Variants in UNC13A observed in about 807,000 individuals in gnomAD.
UNC13A encodes the protein unc-13 homolog A, also known as protein unc-13 homolog A.
A neutral mutation model predicts 219.7 loss-of-function variants in UNC13A; 61 were observed. The ratio of observed to expected loss-of-function variants is 0.28; its 90% confidence interval spans 0.23 to 0.34. UNC13A has a LOEUF of 0.34. UNC13A is among the 10% of genes least tolerant of loss of function. The pLI, the probability that UNC13A is intolerant of heterozygous loss-of-function variation, is 1.00. For missense variants in UNC13A, 1,476 were observed against 2,270.3 expected, an observed-to-expected ratio of 0.65 and a Z score of 7.11; for synonymous variants, 920 against 884.6, an observed-to-expected ratio of 1.04 and a Z score of -0.71.
chr19:17,635,925 T>G (rs2076908730), intron 26 of UNC13A, 99 bp downstream of exon 26: 1 of 1,425,916 alleles, frequency 7.0e-7, no homozygotes, highest in East Asian at 2.4e-5. Flanking sequence ...GGTGCACATT[T>G]GTGTAATTAG....
At chr19:17,623,299 G>C (rs992134771) in intron 36 of UNC13A, 41 of 477,076 alleles carry the variant, frequency 8.6e-5, no homozygotes, top group African/African-American at 8.1e-4. Flanking sequence ...GTTTGGGAGT[G>C]GGTAGTGGGG....
chr19:17,648,394 G>A, intron 16 of UNC13A, 37 bp downstream of exon 16: 1 of 1,193,612 alleles, frequency 8.4e-7, no homozygotes, highest in Admixed American at 3.0e-5. Flanking sequence ...GGCTCCCCAC[G>A]CCAACCCGTG....
At chr19:17,672,992 G>A (rs1390819292) in intron 3 of UNC13A, among the ~76,000 whole-genome samples, 1 of 152,166 alleles carries the variant, frequency 6.6e-6, no homozygotes, top group Non-Finnish European at 1.5e-5. Flanking sequence ...GAATTCGGGG[G>A]AGCAGGAAAC....
chr19:17,619,235 A>T (rs1201579183), intron 38 of UNC13A, among the ~76,000 whole-genome samples: 3 of 152,028 alleles, frequency 2.0e-5, no homozygotes, highest in Non-Finnish European at 4.4e-5. Flanking sequence ...TGTGAGGGGC[A>T]GTGGGTTGGG....
intron 1 of UNC13A, among the ~76,000 whole-genome samples, chr19:17,680,741 T>C (rs2079991528): frequency 6.6e-6 from 1 of 151,850 alleles, no homozygotes; most frequent in Non-Finnish European, 1.5e-5. Flanking sequence ...TTTATACTAT[T>C]ATTATTATTA....
intron 39 of UNC13A, 89 bp downstream of exon 39, chr19:17,618,817 G>A: frequency 3.9e-6 from 5 of 1,288,636 alleles, no homozygotes; most frequent in Non-Finnish European, 5.6e-6. Flanking sequence ...TCATCATCCT[G>A]GGACCCCTCC....
intron 1 of UNC13A, among the ~76,000 whole-genome samples, chr19:17,679,807 T>C (rs1014234184): frequency 1.3e-4 from 20 of 152,110 alleles, no homozygotes. Flanking sequence ...TCTGCCCTTC[T>C]TGTGCCCCTC....
chr19:17,630,256 G>T lies in UNC13A; in HGVS notation c.3558C>A (p.Ser1186=). 1 of 1,561,282 alleles carries T rather than the reference G, an allele frequency of 6.4e-7. No individual in the cohort carries two copies. The highest frequency in any genetic ancestry group is 1.4e-5 in the African/African-American group (1 of 73,566). Reference sequence around the variant, plus strand: ...GGGAGAAAACATCCACCACGGAGCAGGAGAATAGGGCATGCTCTGAGGTCT... The same window carrying T: ...GGGAGAAAACATCCACCACGGAGCATGAGAATAGGGCATGCTCTGAGGTCT... The part of the protein sequence containing the change: ...FQQTSEHALF[S]CSVVDVFSQL... The change falls in exon 30 of 44, where the codon TCC becomes TCA. Residue 1186 remains serine, a synonymous_variant. Transcript: ENST00000519716.
intron 25 of UNC13A, among the ~76,000 whole-genome samples, chr19:17,638,638 G>A (rs2076935631): frequency 6.6e-6 from 1 of 151,974 alleles, no homozygotes; most frequent in African/African-American, 2.4e-5. Flanking sequence ...GACCAGCCTG[G>A]CCAACATGGT....
intron 35 of UNC13A, 34 bp from the exon 36 acceptor site, chr19:17,623,581 A>C: frequency 2.6e-6 from 1 of 379,496 alleles, no homozygotes; most frequent in Non-Finnish European, 4.5e-6. Flanking sequence ...GCGGTGGGGG[A>C]GGGGGGAATA....
Position 17,658,101 on chromosome 19 carries a change from A to G in UNC13A, c.728T>C (p.Met243Thr), listed in dbSNP as rs2079491106. 6 of 1,613,690 alleles carry G rather than the reference A, an allele frequency of 3.7e-6. No individual in the cohort carries two copies. The African/African-American group carries it at 4.0e-5, about 11-fold the overall frequency. ...CTCAGAGAACTCCTCGTAACTGTGC[A>G]TGGAGTCACTGTAGGACTCCCGGGA... is the stretch of plus-strand genomic sequence containing the variant. ...LGSRESYSDS[M>T]HSYEEFSEPQ... The change falls in exon 9 of 44, where the codon ATG (methionine) becomes ACG (threonine). Residue 243 changes from methionine to threonine, a missense_variant. This residue lies in a region of UNC13A where 351 missense variants were observed against 342.6 expected (regional missense o/e 1.02). Coordinates refer to ENST00000519716, the MANE Select transcript of UNC13A (RefSeq NM_001080421.3).
At chr19:17,673,388 G>C (rs2079830742) in intron 3 of UNC13A, among the ~76,000 whole-genome samples, 2 of 141,524 alleles carry the variant, frequency 1.4e-5, no homozygotes, top group South Asian at 4.5e-4. Flanking sequence ...ATATATATCT[G>C]ATATATATAT....
intron 7 of UNC13A, among the ~76,000 whole-genome samples, chr19:17,666,273 C>T (rs1050799496): frequency 2.7e-4 from 41 of 150,938 alleles, no homozygotes; most frequent in African/African-American, 1.0e-3. Flanking sequence ...AGTACAGTGG[C>T]ATGATCTTGG....
chr19:17,626,608 G>C, intron 34 of UNC13A, 25 bp downstream of exon 34: 1 of 1,525,770 alleles, frequency 6.6e-7, no homozygotes, highest in Non-Finnish European at 8.8e-7. Flanking sequence ...TCCCCGGCCA[G>C]CCCAGTCCAC....
At chr19:17,687,577 C>CTCCTGTCT (rs1462452697) in intron 1 of UNC13A, among the ~76,000 whole-genome samples, 2 of 152,048 alleles carry the variant, frequency 1.3e-5, no homozygotes, top group Non-Finnish European at 2.9e-5. Flanking sequence ...TGGGAGGGGT[C>CTCCTGTCT]TCCTGTCTCC....
intron 3 of UNC13A, among the ~76,000 whole-genome samples, chr19:17,673,221 G>T (rs952958048): frequency 4.0e-5 from 6 of 151,810 alleles, no homozygotes; most frequent in Middle Eastern, 3.2e-3. Flanking sequence ...GCCGGGCGTG[G>T]TGGTGCATGT....
Position 17,641,467 on chromosome 19 carries a change from G to A in UNC13A, c.2562C>T (p.Tyr854=), listed in dbSNP as rs374674567. The part of the protein sequence containing the change: ...AKGDDAWKVY[Y]DETAQEIVDE... Reference sequence around the variant, plus strand: ...CCACAATCTCCTGGGCTGTCTCATCGTAGTAAACCTTCCAGGCATCGTCAC... The same window carrying A: ...CCACAATCTCCTGGGCTGTCTCATCATAGTAAACCTTCCAGGCATCGTCAC... The change falls in exon 21 of 44, where the codon TAC becomes TAT. Residue 854 remains tyrosine, a synonymous_variant. Coordinates refer to ENST00000519716, the MANE Select transcript of UNC13A (RefSeq NM_001080421.3). 2.9e-5 allele frequency: 47 copies of A among 1,613,986 alleles called. No individual in the cohort carries two copies. The highest frequency in any genetic ancestry group is 3.3e-5 in the Non-Finnish European group (39 of 1,180,026).
chr19:17,647,512 G>A lies in UNC13A; in HGVS notation c.1817-20C>T. 1.9e-6 allele frequency: 3 copies of A among 1,607,042 alleles called. No homozygotes were observed. The highest frequency in any genetic ancestry group is 2.7e-5 in the African/African-American group (2 of 74,926). ...CAGCCCCTGAGGACGCCCGAGGCCG[G>A]CGCTGACCCCAGCGCGCCCTGCATA... is the stretch of plus-strand genomic sequence containing the variant. On this transcript the variant is annotated intron_variant, in intron 16 of 43. Coordinates refer to ENST00000519716, the MANE Select transcript of UNC13A (RefSeq NM_001080421.3).
Position 17,617,760 on chromosome 19 carries a change from G to C in UNC13A, c.4500C>G (p.Leu1500=). ...TTAGCAGGTCGGTGGCCTGCGTGTA[G>C]AGCGACAGGGCATAGCGCAAGGATT... ...DLQSLRYALS[L]YTQATDLLIK... Residue 1500 remains leucine, a synonymous_variant, in exon 41 of 44, where the codon CTC becomes CTG. Coordinates refer to ENST00000519716, the MANE Select transcript of UNC13A (RefSeq NM_001080421.3). 1 of 1,613,966 alleles carries C rather than the reference G, an allele frequency of 6.2e-7. No homozygotes were observed.
Sources: gnomAD v4.1 joint callset for allele counts (sites outside exome capture counted in the v4.1 genomes callset) on GRCh38, gnomAD v4.1.1 for gene constraint, gnomAD v4.1.1 regional missense constraint, MANE v1.5 for transcripts, NCBI Gene and HGNC (gene_info 2026-07-23, HGNC 2026-07-21) for gene names.